The following CLVS1 variants were observed in gnomAD, a reference collection of about 807,000 sequenced individuals.
CLVS1 encodes clavesin 1, also known as clavesin-1.
CLVS1 carries 10 observed loss-of-function variants against 33.1 expected under a neutral mutation model. The observed-to-expected ratio is 0.30, with a 90% CI of 0.19 to 0.51. The LOEUF is 0.51. Ranked by LOEUF, CLVS1 falls within the 20% of genes least tolerant of loss-of-function variation. CLVS1 has a pLI of 0.97. For missense variants in CLVS1, 343 were observed against 433.4 expected (o/e 0.79, Z 1.85); for synonymous variants, 163 against 166.1 (o/e 0.98, Z 0.14).
At chr8:61,496,397 G>C (rs1320199558) in intron 5 of CLVS1, among the ~76,000 whole-genome samples, 3 of 152,134 alleles carry the variant, frequency 2.0e-5, no homozygotes, top group Admixed American at 6.6e-5. Flanking sequence ...TTGTCTTCAT[G>C]CTTGCTGTTT....
chr8:61,121,046 C>G lies in CLVS1; in HGVS notation c.-242-10724C>G, dbSNP rs554143753. 5.3e-5 allele frequency among the ~76,000 whole-genome samples: 8 copies of G among 152,042 alleles called. No individual in the cohort carries two copies. In the South Asian group the frequency reaches 1.5e-3, roughly 28 times the overall value. On this transcript the variant is annotated intron_variant, in intron 1 of 2. Transcript: ENST00000522621. ...CGAGACTCCGTGGGCGTAGGACCCTCCAAGCCAGGTGCGGGGTATAATCTC... is the reference window on the plus strand; with the variant it reads ...CGAGACTCCGTGGGCGTAGGACCCTGCAAGCCAGGTGCGGGGTATAATCTC...
chr8:61,121,324 C>T (rs1184763031), intron 1 of CLVS1, among the ~76,000 whole-genome samples: 1 of 152,218 alleles, frequency 6.6e-6, no homozygotes, highest in Non-Finnish European at 1.5e-5. Context: ...ATGCAGAAAT[C>T]ACCGTCTTCT....
At chr8:61,147,639 A>T (rs1399792375) in intron 2 of CLVS1, among the ~76,000 whole-genome samples, 9 of 152,248 alleles carry the variant, frequency 5.9e-5, no homozygotes, top group Non-Finnish European at 1.0e-4. Flanking sequence ...CAAAAGTAAC[A>T]TAGGAAAAGG....
intron 2 of CLVS1, among the ~76,000 whole-genome samples, chr8:61,237,650 G>A (rs529229644): frequency 6.6e-5 from 10 of 152,280 alleles, no homozygotes; most frequent in African/African-American, 2.2e-4. Flanking sequence ...CCTTGGGATA[G>A]GTCATGGCAC....
intron 3 of CLVS1, among the ~76,000 whole-genome samples, chr8:61,397,428 TATA>T (rs1421682074): frequency 1.3e-5 from 2 of 152,212 alleles, no homozygotes. Flanking sequence ...CATGTCTGCA[TATA>T]ATTCCCTGGT....
chr8:61,441,972 A>G (rs1292151118), intron 3 of CLVS1, among the ~76,000 whole-genome samples: 1 of 152,154 alleles, frequency 6.6e-6, no homozygotes, highest in Non-Finnish European at 1.5e-5. Context: ...CTTTTTTAAC[A>G]TTCCATGTAA....
intron 2 of CLVS1, among the ~76,000 whole-genome samples, chr8:61,267,241 G>A (rs1171663685): frequency 6.6e-6 from 1 of 152,014 alleles, no homozygotes; most frequent in Non-Finnish European, 1.5e-5. Context: ...TATTTATGGA[G>A]ACTAACTATC....
chr8:61,157,696 C>T (rs1806677424), intron 2 of CLVS1, among the ~76,000 whole-genome samples: 1 of 151,032 alleles, frequency 6.6e-6, no homozygotes, highest in African/African-American at 2.4e-5. Context: ...ACTCCTACAA[C>T]TCAATAATAA....
At chr8:61,192,637 A>G (rs867287512) in intron 2 of CLVS1, among the ~76,000 whole-genome samples, 1 of 152,244 alleles carries the variant, frequency 6.6e-6, no homozygotes, top group South Asian at 2.1e-4. Context: ...AAGGGCTAAT[A>G]TCCAGAATCT....
intron 5 of CLVS1, 164 bp downstream of exon 5, chr8:61,458,706 G>A (rs1051844819): frequency 2.4e-5 from 14 of 572,682 alleles, no homozygotes; most frequent in African/African-American, 2.4e-4. Flanking sequence ...GAAAACAAAT[G>A]GGGCTTGGCT....
intron 2 of CLVS1, among the ~76,000 whole-genome samples, chr8:61,342,554 G>C (rs1350013036): frequency 6.6e-6 from 1 of 152,200 alleles, no homozygotes; most frequent in African/African-American, 2.4e-5. Flanking sequence ...AGTAGCAGCT[G>C]TTCTCTCCGT....
intron 1 of CLVS1, among the ~76,000 whole-genome samples, chr8:61,083,229 C>T (rs1476512709): frequency 6.6e-6 from 1 of 152,212 alleles, no homozygotes; most frequent in Non-Finnish European, 1.5e-5. Context: ...TGCCACTCTC[C>T]TCTGCCTCCC....
chr8:61,048,205 G>A, the CLVS1 span, among the ~76,000 whole-genome samples: 32 of 152,330 alleles, frequency 2.1e-4, no homozygotes, highest in East Asian at 3.9e-3. Context: ...GATCCTGCAC[G>A]AAAGTCACCT....
intron 2 of CLVS1, among the ~76,000 whole-genome samples, chr8:61,190,974 A>AAACTATTC (rs1418400222): frequency 6.6e-6 from 1 of 152,214 alleles, no homozygotes; most frequent in Non-Finnish European, 1.5e-5. Flanking sequence ...ATTCCCTCTG[A>AAACTATTC]AACTATTCCA....
At chr8:61,385,406 C>G (rs1814042415) in intron 3 of CLVS1, among the ~76,000 whole-genome samples, 1 of 152,126 alleles carries the variant, frequency 6.6e-6, no homozygotes, top group African/African-American at 2.4e-5. Context: ...TCTAGGGGAG[C>G]TAGCATCAGA....
At chr8:61,441,686 A>G (rs1292276480) in intron 3 of CLVS1, among the ~76,000 whole-genome samples, 5 of 152,160 alleles carry the variant, frequency 3.3e-5, no homozygotes, top group African/African-American at 4.8e-5. Context: ...TCTGTATCTG[A>G]TTGTTGAAGA....
chr8:61,117,786 G>A (rs1805760374), intron 1 of CLVS1, among the ~76,000 whole-genome samples: 1 of 152,184 alleles, frequency 6.6e-6, no homozygotes, highest in Non-Finnish European at 1.5e-5. Flanking sequence ...GTATTTTATT[G>A]AGGATTTTTG....
At chr8:61,425,264 G>T (rs1339012892) in intron 3 of CLVS1, among the ~76,000 whole-genome samples, 1 of 152,084 alleles carries the variant, frequency 6.6e-6, no homozygotes, top group African/African-American at 2.4e-5. Flanking sequence ...CATTTCAAAA[G>T]AATAATGTTT....
intron 1 of CLVS1, among the ~76,000 whole-genome samples, chr8:61,095,610 G>C (rs1295910636): frequency 6.6e-6 from 1 of 152,112 alleles, no homozygotes; most frequent in Non-Finnish European, 1.5e-5. Context: ...AAGCTTGCCC[G>C]AGAGGATCTT....
Sources: gnomAD v4.1 joint callset for allele counts (sites outside exome capture counted in the v4.1 genomes callset) on GRCh38, gnomAD v4.1.1 for gene constraint, MANE v1.5 for transcripts, NCBI Gene and HGNC (gene_info 2026-07-23, HGNC 2026-07-21) for gene names.